Variants in PLEC observed in about 807,000 individuals in gnomAD.
PLEC encodes the protein plectin.
PLEC carries 216 observed loss-of-function variants against 392.8 expected under a neutral mutation model. The observed-to-expected ratio is 0.55, with a 90% CI of 0.49 to 0.62. PLEC has a LOEUF of 0.62. PLEC is among the 20% of genes least tolerant of loss of function. The pLI is 0.00. For missense variants in PLEC, 6,863 were observed against 6,563.4 expected, an observed-to-expected ratio of 1.05 and a Z score of -1.58; for synonymous variants, 3,621 against 2,980.6, an observed-to-expected ratio of 1.21 and a Z score of -7.00.
chr8:143,918,067 G>A lies in PLEC; in HGVS notation c.11754C>T (p.Ile3918=), dbSNP rs781980270. ...TCTGCAAGTTCTTGGTGACCTCCTC[G>A]ATGGAGGTCAGGCCCTCCCGCAGCT... The part of the protein sequence containing the change: ...ALQLREGLTS[I]EEVTKNLQKF... The change falls in exon 32 of 32, where the codon ATC becomes ATT. Residue 3918 remains isoleucine, a synonymous_variant. Transcript: ENST00000345136. 42 of 1,600,812 alleles carry A rather than the reference G, an allele frequency of 2.6e-5. No individual in the cohort carries two copies. The highest frequency in any genetic ancestry group is 6.8e-5 in the Admixed American group (4 of 58,596).
upstream of PLEC, among the ~76,000 whole-genome samples, chr8:143,940,318 T>A (rs1587256940): frequency 1.3e-5 from 2 of 152,104 alleles, no homozygotes; most frequent in Admixed American, 1.3e-4. Context: ...AGGCCGGGCC[T>A]CATGGGGGAA....
chr8:143,973,859 C>A (rs2132996036), upstream of PLEC, among the ~76,000 whole-genome samples: 1 of 152,174 alleles, frequency 6.6e-6, no homozygotes, highest in Non-Finnish European at 1.5e-5. The surrounding 1 kb of genome is among the most constrained non-coding windows in gnomAD (Gnocchi z 5.6). Flanking sequence ...CCGCCCCCCA[C>A]CTTGCTTCCT....
upstream of PLEC, among the ~76,000 whole-genome samples, chr8:143,975,850 C>T (rs1833643259): frequency 1.3e-5 from 2 of 152,104 alleles, no homozygotes; most frequent in Admixed American, 1.3e-4. The surrounding 1 kb of genome is among the most constrained non-coding windows in gnomAD (Gnocchi z 9.9). Context: ...CACTCAGATG[C>T]CGGCCTCCAC....
Position 143,920,975 on chromosome 8 carries a change from C to A in PLEC, c.8846G>T (p.Arg2949Leu), listed in dbSNP as rs781940132. 1.9e-6 allele frequency: 3 copies of A among 1,613,008 alleles called. No homozygotes were observed. Among genetic ancestry groups the A allele is most frequent in the Admixed American group, 1.7e-5 (1 of 60,012 alleles). ...CTTGATGATCTTCTCCACTGTGATC[C>A]GGCCCGTGCGGAACTGCCGCAGCAG... ...RDLLRQFRTG[R>L]ITVEKIIKII... Residue 2949 changes from arginine (R) to leucine (L), a missense_variant, in exon 32 of 32, where the codon CGG (arginine) becomes CTG (leucine). By Grantham distance (102) the Arg-to-Leu change is moderately radical (BLOSUM62 -2). Transcript: ENST00000345136.
Position 143,916,345 on chromosome 8 carries a change from G to C in PLEC, c.13476C>G (p.Gly4492=). Residue 4492 remains glycine (G), a synonymous_variant, in exon 32 of 32, where the codon GGC becomes GGG. Transcript: ENST00000345136. ...GSGSTAGSRT[G]SRTGSRAGSR... ...AGCCGGCCCGGGAGCCGGTGCGCGAGCCGGTGCGGGAGCCAGCGGTAGAGC... is the reference window on the plus strand; with the variant it reads ...AGCCGGCCCGGGAGCCGGTGCGCGACCCGGTGCGGGAGCCAGCGGTAGAGC... 6.2e-7 allele frequency: 1 copy of C among 1,604,380 alleles called. No individual in the cohort carries two copies. The highest frequency in any genetic ancestry group is 8.5e-7 in the Non-Finnish European group (1 of 1,176,186).
chr8:143,945,275 T>A (rs1554731570), intron 1 of PLEC: 1 of 472,574 alleles, frequency 2.1e-6, no homozygotes, highest in South Asian at 1.6e-5. Flanking sequence ...CAGCACAGCC[T>A]CTCCTGGGGT....
intron 1 of PLEC, among the ~76,000 whole-genome samples, chr8:143,939,059 G>A (rs782137087): frequency 1.5e-4 from 23 of 152,054 alleles, no homozygotes; most frequent in Non-Finnish European, 2.4e-4. Flanking sequence ...GCCCGGGCCC[G>A]CTGGGGTGTT....
chr8:143,937,572 C>T (rs1335322836), intron 3 of PLEC: 5 of 477,590 alleles, frequency 1.0e-5, no homozygotes, highest in Admixed American at 3.1e-5. Context: ...CAGCAGCCAC[C>T]GGTGGGTCCC....
chr8:143,971,629 G>A lies in PLEC; in HGVS notation c.70+1774C>T, dbSNP rs554247647. Reference sequence around the variant, plus strand: ...CACAGGTACCAGCCCAGCCCCTCCCGTCCCCTTGTCTCAAGCCAGGAGCTA... The same window carrying A: ...CACAGGTACCAGCCCAGCCCCTCCCATCCCCTTGTCTCAAGCCAGGAGCTA... On this transcript the variant is annotated intron_variant, in intron 1 of 31. Coordinates refer to the PLEC transcript ENST00000356346. Among the ~76,000 whole-genome samples the A allele has an allele frequency of 7.2e-5, 11 of 152,242 alleles. No homozygotes were observed. In the East Asian group the frequency reaches 1.5e-3, roughly 21 times the overall value.
Position 143,922,827 on chromosome 8 carries a change from G to A in PLEC, c.7102C>T (p.Leu2368=), listed in dbSNP as rs1389886965. The change falls in exon 31 of 32, where the codon CTG becomes TTG. Residue 2368 remains leucine, a synonymous_variant. Transcript: ENST00000345136. ...AGCTGCCGCTGCCGCTCGGCCTCCAGCGTCCGCTGGAAGCCCTGCGTCTCC... is the reference window on the plus strand; with the variant it reads ...AGCTGCCGCTGCCGCTCGGCCTCCAACGTCCGCTGGAAGCCCTGCGTCTCC... The part of the protein sequence containing the change: ...AEETQGFQRT[L]EAERQRQLEM... 3.2e-6 allele frequency: 5 copies of A among 1,583,468 alleles called. No individual in the cohort carries two copies. The African/African-American group carries it at 5.4e-5, about 17-fold the overall frequency.
Position 143,924,930 on chromosome 8 carries a change from CCTTCTG to C in PLEC, c.4993_4998del (p.Gln1665_Lys1666del). 6.3e-7 allele frequency: 1 copy of C among 1,584,838 alleles called. No individual in the cohort carries two copies. Among genetic ancestry groups the C allele is most frequent in the Non-Finnish European group, 8.5e-7 (1 of 1,173,502 alleles). ...CGCCGCGCCTCGCGCTCCGCCTCCT[CCTTCTG>C]CTTCTCAGCCTCGGCCTGCGCCAGG... On this transcript the variant is annotated inframe_deletion, in exon 31 of 32. Transcript: ENST00000345136.
Position 143,934,348 on chromosome 8 carries a change from C to T in PLEC, c.1139G>A (p.Arg380Gln), listed in dbSNP as rs1410648446. Residue 380 changes from arginine to glutamine, a missense_variant, in exon 11 of 32, where the codon CGG becomes CAG. Arg to Gln is a conservative substitution (Grantham distance 43). Coordinates refer to ENST00000345136, the MANE Select transcript of PLEC (RefSeq NM_201384.3). ...AAACTCGCTGCGGAGCTGCTTCTCCCGCTCCAGGATGGCCACGTGCAGCTT... is the reference window on the plus strand; with the variant it reads ...AAACTCGCTGCGGAGCTGCTTCTCCTGCTCCAGGATGGCCACGTGCAGCTT... Reference protein sequence around the residue: ...WGKLHVAILEREKQLRSEFER... With the variant: ...WGKLHVAILEQEKQLRSEFER... 54 of 1,612,456 alleles carry T rather than the reference C, an allele frequency of 3.3e-5. No individual in the cohort carries two copies. Among genetic ancestry groups the T allele is most frequent in the Non-Finnish European group, 4.4e-5 (52 of 1,179,944 alleles).
intron 1 of PLEC, among the ~76,000 whole-genome samples, chr8:143,961,716 C>T (rs933244999): frequency 2.6e-5 from 4 of 152,260 alleles, no homozygotes; most frequent in Non-Finnish European, 4.4e-5. Context: ...CAGAGAGATG[C>T]CCAAGCTGTA....
upstream of PLEC, chr8:143,975,108 A>C (rs1833612827): frequency 6.6e-7 from 1 of 1,520,336 alleles, no homozygotes; most frequent in African/African-American, 1.4e-5. The surrounding 1 kb of genome is among the most constrained non-coding windows in gnomAD (Gnocchi z 9.9). Flanking sequence ...TCCAGCGCCT[A>C]GCACGCAGCG....
At position 143,921,297 on chromosome 8, in the gene PLEC, C is replaced by T. The variant is rs782665391; in HGVS notation, c.8524G>A (p.Val2842Ile). Residue 2842 changes from valine to isoleucine, a missense_variant, in exon 32 of 32, where the codon GTC (valine) becomes ATC (isoleucine). Physicochemically the swap from Val to Ile is conservative, Grantham distance 29. Transcript: ENST00000345136. Reference protein sequence around the residue: ...RGYFDEEMNRVLADPSDDTKG... With the variant: ...RGYFDEEMNRILADPSDDTKG... ...GTGTCGTCGCTGGGGTCCGCCAGGA[C>T]GCGGTTCATCTCCTCGTCGAAGTAG... 5.4e-5 allele frequency: 87 copies of T among 1,614,040 alleles called. 1 individual carries two copies. The highest frequency in any genetic ancestry group is 3.6e-4 in the South Asian group (33 of 91,088).
rs574054664 is a variant in PLEC at position 143,916,223 on chromosome 8, G to A, written c.13598C>T (p.Ser4533Leu). The change falls in exon 32 of 32, where the codon TCG (serine) becomes TTG (leucine). Residue 4533 changes from serine to leucine, a missense_variant. Coordinates refer to ENST00000345136, the MANE Select transcript of PLEC (RefSeq NM_201384.3). The stretch of plus-strand genomic sequence containing the variant: ...GCCCCCCAGGGAGGCCGAGGACCCC[G>A]AGGCGTAGCGGCGGCCGTAGCCCGA... ...SSSGYGRRYA[S>L]GSSASLGGPE... The A allele has an allele frequency of 5.1e-5, 79 of 1,546,520 alleles. No homozygotes were observed. Among genetic ancestry groups the A allele is most frequent in the African/African-American group, 2.1e-4 (15 of 72,984 alleles).
chr8:143,930,069 G>T lies in PLEC; in HGVS notation c.2613-7C>A, dbSNP rs11990994. 8.4e-3 allele frequency: 13,460 copies of T among 1,609,706 alleles called. 1,008 individuals are homozygous for T. In the African/African-American group the frequency reaches 0.16, roughly 19 times the overall value. ...CTGGTGCTGGGCCTCCAGCCTGGCA[G>T]GTCAGGGCTACAGTCAGCGTCACCA... On this transcript the variant is annotated splice_polypyrimidine_tract_variant and splice_region_variant and intron_variant, in intron 21 of 31. Transcript: ENST00000345136.
At position 143,921,816 on chromosome 8, in the gene PLEC, G is replaced by C. The variant is rs376154528; in HGVS notation, c.8005C>G (p.Leu2669Val). The C allele has an allele frequency of 2.5e-6, 4 of 1,608,324 alleles. No individual in the cohort carries two copies. Among genetic ancestry groups the C allele is most frequent in the African/African-American group, 1.3e-5 (1 of 74,934 alleles). ...GTGTGGCCCTGCGCCAACCGCTGCA[G>C]CTCCTCCGCACTCAGGATGCCGGCC... Reference protein sequence around the residue: ...QEAGILSAEELQRLAQGHTTV... With the variant: ...QEAGILSAEEVQRLAQGHTTV... Residue 2669 changes from leucine (L) to valine (V), a missense_variant, in exon 32 of 32, where the codon CTG becomes GTG. Physicochemically the swap from Leu to Val is conservative, Grantham distance 32. Transcript: ENST00000345136.
At chr8:143,937,135 T>G (rs782033124) in intron 4 of PLEC, 30 bp downstream of exon 4, 1 of 1,609,104 alleles carries the variant, frequency 6.2e-7, no homozygotes, top group Admixed American at 1.7e-5. Flanking sequence ...GGGGTCTGGG[T>G]GGGGCCCAGG....
Sources: allele counts gnomAD v4.1 joint callset (sites outside exome capture counted in the v4.1 genomes callset), GRCh38; gene constraint gnomAD v4.1.1; non-coding constraint Gnocchi (gnomAD v3.1); transcripts MANE v1.5; gene names NCBI Gene and HGNC (gene_info 2026-07-23, HGNC 2026-07-21).